The following ZNRF3 variants were observed in gnomAD, a reference collection of about 807,000 sequenced individuals.
The protein encoded by ZNRF3 is E3 ubiquitin-protein ligase ZNRF3.
A neutral mutation model predicts 72.5 loss-of-function variants in ZNRF3; 23 were observed. The ratio of observed to expected loss-of-function variants is 0.32; its 90% CI spans 0.23 to 0.45. ZNRF3 has a LOEUF of 0.45. ZNRF3 is among the 20% of genes least tolerant of loss of function. The probability of loss-of-function intolerance (pLI) is 1.00; values close to 1 mark genes in which losing one functional copy is unlikely to be tolerated. For synonymous variants in ZNRF3, 610 were observed against 545.3 expected (o/e 1.12, Z -1.65); for missense variants, 1,169 against 1,272.1 (o/e 0.92, Z 1.23).
chr22:28,970,696 G>A (rs1257136688), intron 1 of ZNRF3, among the ~76,000 whole-genome samples: 1 of 152,192 alleles, frequency 6.6e-6, no homozygotes, highest in Non-Finnish European at 1.5e-5. Flanking sequence ...CTGACACATG[G>A]ATGAACCTCA....
At chr22:28,925,704 G>T (rs536470954) in intron 1 of ZNRF3, among the ~76,000 whole-genome samples, 1 of 152,208 alleles carries the variant, frequency 6.6e-6, no homozygotes, top group East Asian at 1.9e-4. Flanking sequence ...ATGTGATGGG[G>T]TTTTTTGAGA....
At chr22:28,884,140 G>T in intron 1 of ZNRF3, 74 bp downstream of exon 1, 1 of 1,017,202 alleles carries the variant, frequency 9.8e-7, no homozygotes, top group East Asian at 7.1e-5. Context: ...CGCCGACCCC[G>T]CCGCGGGCTG....
chr22:28,934,530 C>T (rs576568023), intron 1 of ZNRF3, among the ~76,000 whole-genome samples: 30 of 152,206 alleles, frequency 2.0e-4, no homozygotes, highest in African/African-American at 5.3e-4. Context: ...AAAAGTATAT[C>T]GATTAGGTTG....
At chr22:28,895,524 A>G (rs1360284261) in intron 1 of ZNRF3, among the ~76,000 whole-genome samples, 1 of 152,134 alleles carries the variant, frequency 6.6e-6, no homozygotes, top group African/African-American at 2.4e-5. Context: ...AAAATTAGCC[A>G]GGCGCAGTGG....
At chr22:29,053,227 T>C (rs886995769) in intron 8 of ZNRF3, among the ~76,000 whole-genome samples, 1 of 152,200 alleles carries the variant, frequency 6.6e-6, no homozygotes, top group Admixed American at 6.5e-5. Flanking sequence ...TGTCATCCTA[T>C]TGCTAAATTA....
chr22:28,886,114 T>C (rs1201996581), intron 1 of ZNRF3, among the ~76,000 whole-genome samples: 2 of 152,226 alleles, frequency 1.3e-5, no homozygotes, highest in African/African-American at 4.8e-5. Context: ...AGTAACTTTA[T>C]TGTGGTAGCT....
intron 1 of ZNRF3, among the ~76,000 whole-genome samples, chr22:28,919,957 A>T (rs960588030): frequency 6.6e-6 from 1 of 151,892 alleles, no homozygotes; most frequent in Non-Finnish European, 1.5e-5. Flanking sequence ...TGTTATATTC[A>T]TCAGTGGACT....
intron 8 of ZNRF3, among the ~76,000 whole-genome samples, chr22:29,051,499 G>A (rs997916944): frequency 6.6e-6 from 1 of 151,910 alleles, no homozygotes; most frequent in African/African-American, 2.4e-5. Flanking sequence ...AGCTACTCAG[G>A]ATGCTGAGGC....
chr22:28,990,659 G>A (rs1175967499), intron 2 of ZNRF3, among the ~76,000 whole-genome samples: 3 of 152,130 alleles, frequency 2.0e-5, no homozygotes, highest in Non-Finnish European at 4.4e-5. Flanking sequence ...CTGGGCGACA[G>A]AGGAAGACCC....
chr22:29,021,636 C>T (rs895649587), intron 2 of ZNRF3, among the ~76,000 whole-genome samples: 10 of 151,744 alleles, frequency 6.6e-5, no homozygotes, highest in African/African-American at 1.9e-4. Context: ...TACAGGCACG[C>T]GCCACCATGC....
intron 1 of ZNRF3, among the ~76,000 whole-genome samples, chr22:28,956,353 CTTTTTTTTTTTT>C (rs61155224): frequency 3.6e-5 from 4 of 110,450 alleles, no homozygotes; most frequent in South Asian, 3.0e-4. Context: ...TTTCCATTTC[CTTTTTTTTTTTT>C]TTTTTTTTTT....
intron 1 of ZNRF3, among the ~76,000 whole-genome samples, chr22:28,926,933 T>G (rs2034613765): frequency 6.6e-6 from 1 of 150,546 alleles, no homozygotes; most frequent in Non-Finnish European, 1.5e-5. Context: ...ACCAGCCTGG[T>G]CAACATGGTG....
intron 1 of ZNRF3, among the ~76,000 whole-genome samples, chr22:28,932,865 C>T (rs1013389384): frequency 6.6e-6 from 1 of 152,186 alleles, no homozygotes; most frequent in East Asian, 1.9e-4. Context: ...TTCTTGATAC[C>T]AGCAGTGAAT....
chr22:28,956,353 CT>C (rs61155224), intron 1 of ZNRF3, among the ~76,000 whole-genome samples: 5,990 of 110,428 alleles, frequency 0.054, 184 homozygotes, highest in African/African-American at 0.098. Flanking sequence ...TTTCCATTTC[CT>C]TTTTTTTTTT....
At chr22:29,040,485 C>T (rs2036942850) in intron 2 of ZNRF3, among the ~76,000 whole-genome samples, 1 of 152,004 alleles carries the variant, frequency 6.6e-6, no homozygotes, top group Non-Finnish European at 1.5e-5. Flanking sequence ...CCAGCCATCC[C>T]CCACCGCCTT....
Position 29,050,103 on chromosome 22 carries a change from C to T in ZNRF3, c.1922C>T (p.Ala641Val), listed in dbSNP as rs1232083767. The T allele has an allele frequency of 6.2e-7, 1 of 1,607,904 alleles. No individual in the cohort carries two copies. The highest frequency in any genetic ancestry group is 1.7e-5 in the Admixed American group (1 of 59,990). The change falls in exon 8 of 9, where the codon GCT becomes GTT. Residue 641 changes from alanine to valine, a missense_variant. By Grantham distance (64) the Ala-to-Val change is moderately conservative (BLOSUM62 0). Coordinates refer to ENST00000544604, the MANE Select transcript of ZNRF3 (RefSeq NM_001206998.2). ...EELPAVHSHG[A>V]GRGEPWPGPA... ...CTCCCGGCGGTGCACAGTCATGGTGCTGGGCGGGGCGAGCCTTGGCCGGGC... is the reference window on the plus strand; with the variant it reads ...CTCCCGGCGGTGCACAGTCATGGTGTTGGGCGGGGCGAGCCTTGGCCGGGC...
intron 1 of ZNRF3, among the ~76,000 whole-genome samples, chr22:28,892,812 T>C (rs1444895449): frequency 6.6e-6 from 1 of 152,160 alleles, no homozygotes; most frequent in Non-Finnish European, 1.5e-5. Context: ...CCTAGAATTT[T>C]GATGGGAAAA....
At chr22:28,887,065 C>T (rs2033801234) in intron 1 of ZNRF3, among the ~76,000 whole-genome samples, 1 of 152,080 alleles carries the variant, frequency 6.6e-6, no homozygotes, top group South Asian at 2.1e-4. Context: ...TATAGCATTG[C>T]TTTTGTTATT....
Position 28,883,777 on chromosome 22 carries a change from G to A in ZNRF3, c.11G>A (p.Arg4His). ...TCCCGCCGCAGGACCATGAGGCCGC[G>A]CTCGGGCGGGCGCCCAGGGGCCACG... Reference protein sequence around the residue: MRPRSGGRPGATGR... With the variant: MRPHSGGRPGATGR... The change falls in exon 1 of 9, where the codon CGC (arginine) becomes CAC (histidine). Residue 4 changes from arginine (R) to histidine (H), a missense_variant. Physicochemically the swap from Arg to His is conservative, Grantham distance 29. Around this residue, in one of 2 missense-constraint regions of ZNRF3, gnomAD observed 386 missense variants for 540.7 expected, o/e 0.71. Coordinates refer to ENST00000544604, the MANE Select transcript of ZNRF3 (RefSeq NM_001206998.2). The surrounding 1 kb of genome is among the most constrained non-coding windows in gnomAD (Gnocchi z 5.5). The A allele has an allele frequency of 1.0e-6, 1 of 978,374 alleles. No homozygotes were observed. The highest frequency in any genetic ancestry group is 1.2e-6 in the Non-Finnish European group (1 of 827,316). 60.6% of individuals were successfully genotyped at this position (978,374 alleles called of 1,614,324 possible).
Sources: gnomAD v4.1 joint callset for allele counts (sites outside exome capture counted in the v4.1 genomes callset) on GRCh38, gnomAD v4.1.1 for gene constraint, gnomAD v4.1.1 regional missense constraint, Gnocchi (gnomAD v3.1) non-coding constraint, MANE v1.5 for transcripts, NCBI Gene and HGNC (gene_info 2026-07-23, HGNC 2026-07-21) for gene names.